Variants in PPP1R13B observed in about 807,000 individuals in gnomAD.
The protein encoded by PPP1R13B is protein phosphatase 1 regulatory subunit 13B.
PPP1R13B carries 44 observed loss-of-function variants against 119.8 expected under a neutral mutation model. That is an observed-to-expected ratio of 0.37 (90% CI 0.29 to 0.47). The LOEUF (loss-of-function observed/expected upper bound fraction) is 0.47. PPP1R13B is among the 20% of genes least tolerant of loss of function. The pLI is 0.99. For missense variants in PPP1R13B, 1,227 were observed against 1,413.5 expected, an observed-to-expected ratio of 0.87 and a Z score of 2.12; for synonymous variants, 542 against 561.5, an observed-to-expected ratio of 0.97 and a Z score of 0.49.
intron 1 of PPP1R13B, among the ~76,000 whole-genome samples, chr14:103,823,195 G>A (rs2086452632): frequency 6.6e-6 from 1 of 151,880 alleles, no homozygotes; most frequent in Non-Finnish European, 1.5e-5. Flanking sequence ...AAAATTAGCT[G>A]GGCGTGGTGG....
Position 103,834,581 on chromosome 14 carries a change from CTTTTTTTTTTTT to C in PPP1R13B, c.9+12706_9+12717del, listed in dbSNP as rs1157222905. 7.8e-5 allele frequency among the ~76,000 whole-genome samples: 7 copies of C among 89,400 alleles called. No individual in the cohort carries two copies. The South Asian group carries it at 1.6e-3, about 20-fold the overall frequency. 58.6% of individuals were successfully genotyped at this position (89,400 alleles called of 152,430 possible). A position where few individuals can be genotyped will look rare whatever the true frequency, so the allele number is the denominator to read the frequency against. On this transcript the variant is annotated intron_variant, in intron 1 of 16. Transcript: ENST00000202556. ...GCACAGGGAAGGTAAATTTTAATGT[CTTTTTTTTTTTT>C]TTTTTTTTTTTTTTGAGACCGAGTT... is the stretch of plus-strand genomic sequence containing the variant.
Position 103,754,153 on chromosome 14 carries a change from A to C in PPP1R13B, c.548T>G (p.Val183Gly). 1 of 1,613,786 alleles carries C rather than the reference A, an allele frequency of 6.2e-7. No homozygotes were observed. Residue 183 changes from valine (V) to glycine (G), a missense_variant, in exon 6 of 17, where the codon GTT (valine) becomes GGT (glycine). Coordinates refer to ENST00000202556, the MANE Select transcript of PPP1R13B (RefSeq NM_015316.3). ...NEKLQKLKER[V>G]EAQENKLKKI... ...CTTCAGCTTGTTCTCCTGGGCTTCA[A>C]CTCGTTCTTTCAATTTCTGAAGCTT...
chr14:103,759,288 T>G (rs1389085936), intron 4 of PPP1R13B: 1 of 151,274 alleles, frequency 6.6e-6, no homozygotes, highest in African/African-American at 2.4e-5. Flanking sequence ...GAACCACCAT[T>G]CTGTTTATCT....
At position 103,738,543 on chromosome 14, in the gene PPP1R13B, C is replaced by T; in HGVS notation, c.2864+136G>A. Reference sequence around the variant, plus strand: ...GCAAGGAAACCCTGGCAACAGCTGTCTTTCAAGGATGAAATGATGGGTGTT... The same window carrying T: ...GCAAGGAAACCCTGGCAACAGCTGTTTTTCAAGGATGAAATGATGGGTGTT... On this transcript the variant is annotated intron_variant, in intron 14 of 16. Coordinates refer to ENST00000202556, the MANE Select transcript of PPP1R13B (RefSeq NM_015316.3). The surrounding 1 kb of genome is among the most constrained non-coding windows in gnomAD (Gnocchi z 5.6). 1 of 1,362,450 alleles carries T rather than the reference C, an allele frequency of 7.3e-7. No individual in the cohort carries two copies. 84.4% of individuals were successfully genotyped at this position (1,362,450 alleles called of 1,614,324 possible).
rs955961404 is a variant in PPP1R13B, at chr14:103,794,540, C to A, written c.157+2831G>T. 1.4e-4 allele frequency: 51 copies of A among 353,998 alleles called. 3 individuals are homozygous for A. In the Admixed American group the frequency reaches 1.7e-3, roughly 12 times the overall value. The allele number at this position is 353,998 out of a possible 1,614,324, so 21.9% of individuals were successfully genotyped here. A position where few individuals can be genotyped will look rare whatever the true frequency, so the allele number is the denominator to read the frequency against. On this transcript the variant is annotated intron_variant, in intron 2 of 16. Coordinates refer to ENST00000202556, the MANE Select transcript of PPP1R13B (RefSeq NM_015316.3). ...ACAGGGTTTCACCATGTTGGCCAGG[C>A]TGGTCTCAAACTCCTGACCTCAGGT...
At chr14:103,837,275 A>G (rs1315324535) in intron 1 of PPP1R13B, among the ~76,000 whole-genome samples, 4 of 152,238 alleles carry the variant, frequency 2.6e-5, no homozygotes, top group African/African-American at 9.6e-5. Context: ...GCCACTGAAC[A>G]TAGGCAAAAA....
intron 4 of PPP1R13B, among the ~76,000 whole-genome samples, chr14:103,759,638 C>A (rs2084758574): frequency 6.6e-6 from 1 of 151,756 alleles, no homozygotes; most frequent in South Asian, 2.1e-4. Context: ...AAAACTATGT[C>A]TATTCAACAA....
chr14:103,754,138 T>TTC lies in PPP1R13B; in HGVS notation c.561_562dup (p.Asn188ArgfsTer4). 1 of 1,614,092 alleles carries TTC rather than the reference T, an allele frequency of 6.2e-7. No homozygotes were observed. The highest frequency in any genetic ancestry group is 2.2e-5 in the East Asian group (1 of 44,880). ...CATTGCACGAATTTTCTTCAGCTTGTTCTCCTGGGCTTCAACTCGTTCTTT... is the reference window on the plus strand; with the variant it reads ...CATTGCACGAATTTTCTTCAGCTTGTTCTCTCCTGGGCTTCAACTCGTTCTTT... On this transcript the variant is annotated frameshift_variant, in exon 6 of 17. Coordinates refer to ENST00000202556, the MANE Select transcript of PPP1R13B (RefSeq NM_015316.3). LOFTEE classifies it high-confidence loss of function.
chr14:103,761,762 CA>C (rs1215810979), intron 4 of PPP1R13B, among the ~76,000 whole-genome samples: 154 of 104,734 alleles, frequency 1.5e-3, no homozygotes, highest in Admixed American at 2.2e-3. Context: ...GACTCCATCT[CA>C]AAAAAAAAAA....
intron 8 of PPP1R13B, chr14:103,746,943 G>C (rs2084400035): frequency 6.3e-6 from 1 of 157,794 alleles, no homozygotes; most frequent in African/African-American, 2.4e-5. Flanking sequence ...TCGCTGTGCT[G>C]CTTCGGGCAG....
intron 1 of PPP1R13B, among the ~76,000 whole-genome samples, chr14:103,814,946 C>CA (rs35559234): frequency 8.3e-4 from 119 of 143,626 alleles, no homozygotes; most frequent in African/African-American, 1.9e-3. Context: ...CTCCGTCTCA[C>CA]AAAAAAAAAC....
intron 1 of PPP1R13B, among the ~76,000 whole-genome samples, chr14:103,806,782 C>G (rs1031378845): frequency 1.3e-5 from 2 of 152,146 alleles, no homozygotes; most frequent in Non-Finnish European, 2.9e-5. Context: ...CAACTCCCTT[C>G]TCTCTCATAC....
In PPP1R13B at chr14:103,736,013, T is replaced by G. The variant is rs770699468; in HGVS notation, c.3221A>C (p.Asn1074Thr). The change falls in exon 16 of 17, where the codon AAC becomes ACC. Residue 1074 changes from asparagine (N) to threonine (T), a missense_variant. Coordinates refer to ENST00000202556, the MANE Select transcript of PPP1R13B (RefSeq NM_015316.3). ...LGDREGYVPKNLLGLYPRIKP... is the reference protein window; with the variant it reads ...LGDREGYVPKTLLGLYPRIKP... ...AACCTGAGTGCTCACCCCCAGCAGG[T>G]TTTTGGGCACATAGCCCTCCCGGTC... is the stretch of plus-strand genomic sequence containing the variant. 40 of 1,613,800 alleles carry G rather than the reference T, an allele frequency of 2.5e-5. No individual in the cohort carries two copies. The highest frequency in any genetic ancestry group is 3.3e-5 in the Non-Finnish European group (39 of 1,179,954).
At chr14:103,769,067 T>C (rs2085003647) in intron 4 of PPP1R13B, among the ~76,000 whole-genome samples, 1 of 152,192 alleles carries the variant, frequency 6.6e-6, no homozygotes, top group African/African-American at 2.4e-5. Context: ...TTTGTTTTAC[T>C]TCCACACTGC....
intron 1 of PPP1R13B, among the ~76,000 whole-genome samples, chr14:103,825,927 CT>C (rs1255901834): frequency 2.0e-5 from 3 of 151,834 alleles, no homozygotes; most frequent in Non-Finnish European, 4.4e-5. Context: ...TCACTACAAC[CT>C]CCACCTCCCG....
intron 4 of PPP1R13B, chr14:103,759,284 C>T (rs2084748944): frequency 6.6e-6 from 1 of 151,540 alleles, no homozygotes; most frequent in Admixed American, 6.6e-5. Context: ...ACTGGAACCA[C>T]CATTCTGTTT....
Position 103,734,728 on chromosome 14 carries a change from G to A in PPP1R13B, c.*426C>T, listed in dbSNP as rs1323068777. 5 of 460,016 alleles carry A rather than the reference G, an allele frequency of 1.1e-5. No individual in the cohort carries two copies. Among genetic ancestry groups the A allele is most frequent in the Non-Finnish European group, 1.7e-5 (4 of 229,152 alleles). The allele number at this position is 460,016 out of a possible 1,614,324, so 28.5% of individuals were successfully genotyped here. ...GTGAGAAAGGATGAGTGTCCGATTC[G>A]GTGACGGGGGGCAGGGCGGTCGCAG... On this transcript the variant is annotated 3_prime_UTR_variant, in exon 17 of 17. Coordinates refer to ENST00000202556, the MANE Select transcript of PPP1R13B (RefSeq NM_015316.3).
chr14:103,839,488 G>A (rs545843412), intron 1 of PPP1R13B, among the ~76,000 whole-genome samples: 10 of 152,028 alleles, frequency 6.6e-5, no homozygotes, highest in African/African-American at 2.4e-4. Flanking sequence ...TTAGCCGGGC[G>A]TGGTGGTGCA....
At chr14:103,848,405 C>T (rs955183472), upstream of PPP1R13B, 4 of 985,342 alleles carry the variant, frequency 4.1e-6, no homozygotes, top group Non-Finnish European at 3.6e-6. Flanking sequence ...GCCGGAGTGA[C>T]AGAGCCCTGG....
Sources: allele counts gnomAD v4.1 joint callset (sites outside exome capture counted in the v4.1 genomes callset), GRCh38; gene constraint gnomAD v4.1.1; non-coding constraint Gnocchi (gnomAD v3.1); transcripts MANE v1.5; gene names NCBI Gene and HGNC (gene_info 2026-07-23, HGNC 2026-07-21).